Variants in LRRC4C observed in about 807,000 individuals in gnomAD.
The protein encoded by LRRC4C is leucine rich repeat containing 4C, also known as leucine-rich repeat-containing protein 4C.
Under a neutral mutation model 33.6 loss-of-function variants are expected in LRRC4C, and 5 were observed. The observed-to-expected ratio is 0.15, with a 90% CI of 0.08 to 0.31. The LOEUF (loss-of-function observed/expected upper bound fraction) is 0.31. LRRC4C is among the 10% of genes least tolerant of loss of function. LRRC4C has a pLI of 1.00. For synonymous variants in LRRC4C, 329 were observed against 302.0 expected (o/e 1.09, Z -0.93); for missense variants, 560 against 796.7 (o/e 0.70, Z 3.58).
At chr11:40,384,744 T>C (rs919201592) in intron 3 of LRRC4C, among the ~76,000 whole-genome samples, 1 of 152,194 alleles carries the variant, frequency 6.6e-6, no homozygotes, top group African/African-American at 2.4e-5. Context: ...TTTCTTTTCT[T>C]TTTTCATCAC....
At chr11:41,116,922 T>A (rs1322963658) in intron 1 of LRRC4C, among the ~76,000 whole-genome samples, 4 of 152,156 alleles carry the variant, frequency 2.6e-5, no homozygotes, top group African/African-American at 7.2e-5. Context: ...CACCTCACCA[T>A]AGGCCATGCC....
At chr11:40,766,353 T>TAA (rs60152534) in intron 2 of LRRC4C, among the ~76,000 whole-genome samples, 7,231 of 33,782 alleles carry the variant, frequency 0.21, 1,520 homozygotes, top group East Asian at 0.26. Context: ...TTCAGTCTGT[T>TAA]AAAAAAAAAA....
intron 1 of LRRC4C, among the ~76,000 whole-genome samples, chr11:40,949,959 A>G (rs1225056022): frequency 1.3e-5 from 2 of 152,204 alleles, no homozygotes; most frequent in African/African-American, 4.8e-5. Context: ...AGTGTGCTGT[A>G]TTCAGGAAAC....
At chr11:40,659,383 C>T (rs11036000) in intron 2 of LRRC4C, among the ~76,000 whole-genome samples, 29,277 of 151,992 alleles carry the variant, frequency 0.19, 3,155 homozygotes, top group East Asian at 0.47. Flanking sequence ...AGGAGGGGGT[C>T]CCTGGTGAAA....
intron 1 of LRRC4C, among the ~76,000 whole-genome samples, chr11:41,325,319 T>G (rs1029509126): frequency 6.6e-6 from 1 of 152,192 alleles, no homozygotes; most frequent in African/African-American, 2.4e-5. Flanking sequence ...TATTGAAAAC[T>G]CACTTTTGTT....
At chr11:41,025,715 C>G (rs12798792) in intron 1 of LRRC4C, among the ~76,000 whole-genome samples, 2 of 151,514 alleles carry the variant, frequency 1.3e-5, no homozygotes, top group African/African-American at 2.4e-5. Context: ...GTGGCTACAC[C>G]AAACAACAGA....
intron 2 of LRRC4C, among the ~76,000 whole-genome samples, chr11:40,675,161 C>A (rs1231652490): frequency 6.6e-6 from 1 of 151,950 alleles, no homozygotes; most frequent in Non-Finnish European, 1.5e-5. Flanking sequence ...ACATGGGACC[C>A]ATTTAGACTT....
chr11:40,694,884 ATC>A (rs1945410541), intron 2 of LRRC4C, among the ~76,000 whole-genome samples: 2 of 151,926 alleles, frequency 1.3e-5, no homozygotes, highest in Non-Finnish European at 2.9e-5. Flanking sequence ...ATTTTCTTTT[ATC>A]ATCATCGTAG....
At chr11:41,214,575 CAAAAA>C (rs547167050) in intron 1 of LRRC4C, among the ~76,000 whole-genome samples, 2 of 34,770 alleles carry the variant, frequency 5.8e-5, no homozygotes, top group African/African-American at 2.4e-4. Context: ...ACTAAAAATA[CAAAAA>C]AAAAAAAAAA....
chr11:41,248,054 C>A (rs74527744), intron 1 of LRRC4C, among the ~76,000 whole-genome samples: 2 of 151,976 alleles, frequency 1.3e-5, no homozygotes. Context: ...AAAGGCAAAG[C>A]GAAAAGAGGG....
At chr11:40,516,422 C>G (rs1955561797) in intron 3 of LRRC4C, among the ~76,000 whole-genome samples, 1 of 152,010 alleles carries the variant, frequency 6.6e-6, no homozygotes, top group African/African-American at 2.4e-5. Context: ...GATTGCTAAA[C>G]TAGTTAAATA....
chr11:41,083,648 A>G (rs1234159901), intron 1 of LRRC4C, among the ~76,000 whole-genome samples: 1 of 152,186 alleles, frequency 6.6e-6, no homozygotes, highest in Non-Finnish European at 1.5e-5. Context: ...TTTACAAGAA[A>G]TGGCTATACT....
chr11:41,031,288 G>A (rs981014044), intron 1 of LRRC4C, among the ~76,000 whole-genome samples: 1 of 151,830 alleles, frequency 6.6e-6, no homozygotes, highest in Non-Finnish European at 1.5e-5. Context: ...CTTCCTATCT[G>A]GACTATAGAC....
intron 1 of LRRC4C, among the ~76,000 whole-genome samples, chr11:41,041,238 T>C (rs10768661): frequency 0.36 from 54,215 of 152,002 alleles, 10,696 homozygotes; most frequent in East Asian, 0.52. Flanking sequence ...TTATAGTTAC[T>C]GGTCCCAAGT....
At chr11:40,479,606 C>A (rs76107864) in intron 3 of LRRC4C, among the ~76,000 whole-genome samples, 2,503 of 152,210 alleles carry the variant, frequency 0.016, 35 homozygotes, top group South Asian at 0.033. Flanking sequence ...GGTTAAGCTG[C>A]CGAGGGAGGC....
At chr11:41,406,643 C>T (rs1954245816) in intron 1 of LRRC4C, among the ~76,000 whole-genome samples, 1 of 150,556 alleles carries the variant, frequency 6.6e-6, no homozygotes, top group Non-Finnish European at 1.5e-5. Flanking sequence ...CTAGGTTTTG[C>T]TAGGACCTAA....
At chr11:41,304,901 A>G (rs1324132786) in intron 1 of LRRC4C, among the ~76,000 whole-genome samples, 6 of 43,220 alleles carry the variant, frequency 1.4e-4, no homozygotes, top group East Asian at 1.9e-3. Context: ...CAGCCGCCCC[A>G]TCCGGGAGGG....
At chr11:40,417,697 C>T (rs1950378454) in intron 3 of LRRC4C, among the ~76,000 whole-genome samples, 1 of 151,970 alleles carries the variant, frequency 6.6e-6, no homozygotes, top group African/African-American at 2.4e-5. Flanking sequence ...TAAGCTCACT[C>T]ATTCATCCAT....
At chr11:40,212,878 T>TA (rs1445706852) in intron 5 of LRRC4C, among the ~76,000 whole-genome samples, 8 of 152,120 alleles carry the variant, frequency 5.3e-5, no homozygotes, top group African/African-American at 1.9e-4. Flanking sequence ...GAAGCAGCAG[T>TA]AACTTGGGGA....
Sources: allele counts gnomAD v4.1 joint callset (sites outside exome capture counted in the v4.1 genomes callset), GRCh38; gene constraint gnomAD v4.1.1; transcripts MANE v1.5; gene names NCBI Gene and HGNC (gene_info 2026-07-23, HGNC 2026-07-21).